The following CNTNAP5 variants were observed in gnomAD, a reference collection of about 807,000 sequenced individuals.
CNTNAP5 encodes contactin associated protein family member 5, also known as contactin-associated protein-like 5.
A neutral mutation model predicts 150.2 loss-of-function variants in CNTNAP5; 72 were observed. The observed-to-expected ratio is 0.48, with a 90% confidence interval of 0.40 to 0.58. The LOEUF (loss-of-function observed/expected upper bound fraction) is 0.58, where lower values mean the gene tolerates loss of function less well. Among genes scored for constraint, CNTNAP5 ranks in the 20% least tolerant of loss-of-function variants. The pLI, the probability that CNTNAP5 is intolerant of heterozygous loss-of-function variation, is 0.00. For synonymous variants in CNTNAP5, 672 were observed against 619.8 expected (o/e 1.08, Z -1.25); for missense variants, 1,636 against 1,626.2 (o/e 1.01, Z -0.10).
At chr2:124,365,951 G>T (rs1307117854) in intron 3 of CNTNAP5, among the ~76,000 whole-genome samples, 1 of 152,140 alleles carries the variant, frequency 6.6e-6, no homozygotes. Context: ...TACAAGTGGT[G>T]CCTGGGATGC....
chr2:124,786,402 G>GAAAGAAA (rs1558775115), intron 17 of CNTNAP5, among the ~76,000 whole-genome samples: 218 of 54,078 alleles, frequency 4.0e-3, no homozygotes, highest in East Asian at 5.2e-3. Context: ...AAAGAAAGAA[G>GAAAGAAA]GAAGGAAGGA....
At chr2:124,842,814 T>C (rs1242111598) in intron 19 of CNTNAP5, among the ~76,000 whole-genome samples, 1 of 152,140 alleles carries the variant, frequency 6.6e-6, no homozygotes, top group African/African-American at 2.4e-5. Context: ...AAAACCATCA[T>C]AGTTGAGTGG....
intron 16 of CNTNAP5, among the ~76,000 whole-genome samples, chr2:124,770,651 A>G (rs17011960): frequency 0.037 from 5,657 of 152,218 alleles, 337 homozygotes; most frequent in African/African-American, 0.13. Flanking sequence ...AGAAAGACTC[A>G]AGGGGCCACC....
intron 3 of CNTNAP5, among the ~76,000 whole-genome samples, chr2:124,346,558 T>C (rs1031078739): frequency 3.3e-5 from 5 of 152,168 alleles, no homozygotes; most frequent in Admixed American, 3.3e-4. Flanking sequence ...ATAAATTCTA[T>C]TGATTGCAAT....
chr2:124,598,591 C>T (rs1301513995), intron 11 of CNTNAP5, among the ~76,000 whole-genome samples: 3 of 150,626 alleles, frequency 2.0e-5, no homozygotes, highest in Non-Finnish European at 3.0e-5. Context: ...TTACTGCTGT[C>T]TTTTTGTTTG....
intron 1 of CNTNAP5, among the ~76,000 whole-genome samples, chr2:124,035,446 C>T (rs1359268151): frequency 6.6e-6 from 1 of 151,892 alleles, no homozygotes; most frequent in East Asian, 1.9e-4. Flanking sequence ...ACCTCCCTTC[C>T]CTCACTCTTC....
intron 8 of CNTNAP5, among the ~76,000 whole-genome samples, chr2:124,506,900 T>G (rs1694418553): frequency 6.6e-6 from 1 of 152,162 alleles, no homozygotes; most frequent in Admixed American, 6.5e-5. Flanking sequence ...CACTCACTCA[T>G]GTGCTCAGGA....
intron 14 of CNTNAP5, among the ~76,000 whole-genome samples, chr2:124,759,771 A>C (rs956760873): frequency 6.6e-6 from 1 of 151,998 alleles, no homozygotes; most frequent in Admixed American, 6.6e-5. Flanking sequence ...ACAAGATTGC[A>C]GATGTGGTCC....
At chr2:124,090,888 G>A (rs772809111) in intron 1 of CNTNAP5, among the ~76,000 whole-genome samples, 1 of 152,158 alleles carries the variant, frequency 6.6e-6, no homozygotes, top group African/African-American at 2.4e-5. Context: ...AAACAGAGTT[G>A]GAAAGAAAAC....
intron 1 of CNTNAP5, among the ~76,000 whole-genome samples, chr2:124,126,654 T>A (rs1683710689): frequency 6.6e-6 from 1 of 152,116 alleles, no homozygotes; most frequent in Admixed American, 6.5e-5. Flanking sequence ...AACGCAAAAT[T>A]CCTTAATAAA....
chr2:124,494,840 T>C (rs1191455957), intron 7 of CNTNAP5, among the ~76,000 whole-genome samples: 1 of 152,246 alleles, frequency 6.6e-6, no homozygotes, highest in Non-Finnish European at 1.5e-5. Context: ...CAATTACTGA[T>C]CCTGAATATT....
intron 1 of CNTNAP5, among the ~76,000 whole-genome samples, chr2:124,164,999 C>G (rs1684778245): frequency 6.6e-6 from 1 of 152,088 alleles, no homozygotes; most frequent in Non-Finnish European, 1.5e-5. Context: ...CTGGAGCCAG[C>G]CAGAGAAGGG....
At chr2:124,241,334 C>T (rs7593538) in intron 2 of CNTNAP5, among the ~76,000 whole-genome samples, 224 of 152,202 alleles carry the variant, frequency 1.5e-3, no homozygotes, top group African/African-American at 5.2e-3. Context: ...CTGAATCACA[C>T]GAGATCCAAG....
At position 124,192,229 on chromosome 2, in the gene CNTNAP5, G is replaced by A. The variant is rs577327540; in HGVS notation, c.83-29476G>A. Among the ~76,000 whole-genome samples the A allele has an allele frequency of 6.6e-5, 10 of 152,264 alleles. No homozygotes were observed. The South Asian group carries it at 1.7e-3, about 25-fold the overall frequency. ...CCATGGGATGCACAAGGGCAGACAAGGGCTTGGGAAGAGTGGGTCAGAATG... is the reference window on the plus strand; with the variant it reads ...CCATGGGATGCACAAGGGCAGACAAAGGCTTGGGAAGAGTGGGTCAGAATG... On this transcript the variant is annotated intron_variant, in intron 1 of 23. Coordinates refer to ENST00000682447, the MANE Select transcript of CNTNAP5 (RefSeq NM_001367498.1).
At chr2:124,119,561 G>A (rs549535139) in intron 1 of CNTNAP5, among the ~76,000 whole-genome samples, 4 of 152,096 alleles carry the variant, frequency 2.6e-5, no homozygotes, top group South Asian at 2.1e-4. Context: ...TGAGCAAAAC[G>A]AGCTCACCAA....
At chr2:124,106,005 T>C (rs1683163530) in intron 1 of CNTNAP5, among the ~76,000 whole-genome samples, 1 of 152,246 alleles carries the variant, frequency 6.6e-6, no homozygotes, top group Admixed American at 6.5e-5. Flanking sequence ...TTTATTCATT[T>C]AATCTTTCAT....
chr2:124,609,267 A>G (rs887923820), intron 11 of CNTNAP5, among the ~76,000 whole-genome samples: 3 of 152,198 alleles, frequency 2.0e-5, no homozygotes, highest in African/African-American at 7.2e-5. Context: ...CTCTGCACTG[A>G]TTTTAAAAGA....
chr2:124,265,624 G>C (rs971478271), intron 3 of CNTNAP5, among the ~76,000 whole-genome samples: 3 of 152,150 alleles, frequency 2.0e-5, no homozygotes, highest in Non-Finnish European at 2.9e-5. Context: ...TTACGGAAGA[G>C]AGAAGGCCCT....
intron 3 of CNTNAP5, among the ~76,000 whole-genome samples, chr2:124,274,528 C>T (rs1457965713): frequency 2.6e-5 from 4 of 151,956 alleles, no homozygotes; most frequent in Non-Finnish European, 4.4e-5. Context: ...ATGGAGAAGG[C>T]ACTCTCTTGC....
Sources: gnomAD v4.1 joint callset for allele counts (sites outside exome capture counted in the v4.1 genomes callset) on GRCh38, gnomAD v4.1.1 for gene constraint, MANE v1.5 for transcripts, NCBI Gene and HGNC (gene_info 2026-07-23, HGNC 2026-07-21) for gene names.